The following NKIRAS2 variants were observed in gnomAD, a reference collection of about 807,000 sequenced individuals.
NKIRAS2 encodes the protein NF-kappa-B inhibitor-interacting Ras-like protein 2.
Under a neutral mutation model 20.7 loss-of-function variants are expected in NKIRAS2, and 15 were observed. That is an observed-to-expected ratio of 0.73 (90% CI 0.49 to 1.12). The LOEUF is 1.12. NKIRAS2 is among the 50% of genes most tolerant of loss of function. The pLI, the probability that NKIRAS2 is intolerant of heterozygous loss-of-function variation, is 0.00. For synonymous variants in NKIRAS2, 116 were observed against 101.4 expected (o/e 1.14, Z -0.87); for missense variants, 196 against 249.6 (o/e 0.79, Z 1.45).
chr17:42,023,566 A>G lies in NKIRAS2; in HGVS notation c.337-88A>G, dbSNP rs1331333932. On this transcript the variant is annotated intron_variant, in intron 3 of 3. Transcript: ENST00000393885. The stretch of plus-strand genomic sequence containing the variant: ...ATATCAGCCATTGAGCTTTCCTCTC[A>G]TAGAACTCCTAGGTGGTTGCCAGCC... 9 of 1,217,172 alleles carry G rather than the reference A, an allele frequency of 7.4e-6. No homozygotes were observed. In the African/African-American group the frequency reaches 9.0e-5, roughly 12 times the overall value. The allele number at this position is 1,217,172 out of a possible 1,614,324, so 75.4% of individuals were successfully genotyped here. A position where few individuals can be genotyped will look rare whatever the true frequency, so the allele number is the denominator to read the frequency against.
upstream of NKIRAS2, among the ~76,000 whole-genome samples, chr17:42,018,103 G>C (rs1440258689): frequency 6.6e-6 from 1 of 152,126 alleles, no homozygotes; most frequent in Non-Finnish European, 1.5e-5. Context: ...GCCTAGGAAA[G>C]CTGACACATG....
upstream of NKIRAS2, among the ~76,000 whole-genome samples, chr17:42,018,937 A>G (rs1376319503): frequency 6.6e-6 from 1 of 152,228 alleles, no homozygotes; most frequent in Non-Finnish European, 1.5e-5. Context: ...ACAACAGAAA[A>G]AACAAATGTT....
upstream of NKIRAS2, chr17:42,020,020 T>A (rs972634604): frequency 3.3e-5 from 5 of 152,400 alleles, no homozygotes; most frequent in Non-Finnish European, 7.3e-5. Context: ...CGGTCCGCGC[T>A]CTCTCTCCGC....
At position 42,023,700 on chromosome 17, in the gene NKIRAS2, G is replaced by A. The variant is rs1555653570; in HGVS notation, c.383G>A (p.Arg128Gln). The A allele has an allele frequency of 1.2e-6, 2 of 1,614,182 alleles. No homozygotes were observed. The highest frequency in any genetic ancestry group is 1.7e-5 in the Admixed American group (1 of 60,024). ...AACAAGTGTGACTTACAGGAGCAGCGGCGTGTAGACCCAGATGTGGCTCAG... is the reference window on the plus strand; with the variant it reads ...AACAAGTGTGACTTACAGGAGCAGCAGCGTGTAGACCCAGATGTGGCTCAG... Reference protein sequence around the residue: ...LGNKCDLQEQRRVDPDVAQHW... With the variant: ...LGNKCDLQEQQRVDPDVAQHW... Residue 128 changes from arginine to glutamine, a missense_variant, in exon 4 of 4, where the codon CGG becomes CAG. Arg to Gln is a conservative substitution (Grantham distance 43). Transcript: ENST00000393885.
chr17:42,019,333 G>C (rs2052387184), upstream of NKIRAS2, among the ~76,000 whole-genome samples: 1 of 152,100 alleles, frequency 6.6e-6, no homozygotes, highest in South Asian at 2.1e-4. Flanking sequence ...TACATCAATA[G>C]TCTCCTAATC....
intron 3 of NKIRAS2, 82 bp downstream of exon 3, chr17:42,022,722 T>A (rs2052487052): frequency 6.6e-7 from 1 of 1,512,564 alleles, no homozygotes; most frequent in African/African-American, 1.4e-5. Context: ...CTGGCATGGC[T>A]CCATTCTTCA....
At chr17:42,022,893 G>A in intron 3 of NKIRAS2, 1 of 433,696 alleles carries the variant, frequency 2.3e-6, no homozygotes, top group Non-Finnish European at 4.2e-6. Context: ...TTGTTGAAGG[G>A]GTCACTGACC....
chr17:42,017,778 T>C (rs1183970433), upstream of NKIRAS2: 1 of 336,576 alleles, frequency 3.0e-6, no homozygotes, highest in Non-Finnish European at 5.6e-6. Flanking sequence ...CTCCGTGGAG[T>C]CTGGGTTGCG....
At chr17:42,022,348 A>C in intron 2 of NKIRAS2, 51 bp from the exon 3 acceptor site, 3 of 1,531,378 alleles carry the variant, frequency 2.0e-6, no homozygotes, top group Non-Finnish European at 2.6e-6. Context: ...CTCATCACTC[A>C]CATTTCCCAT....
At chr17:42,018,337 G>C (rs914455098), upstream of NKIRAS2, 1 of 152,172 alleles carries the variant, frequency 6.6e-6, no homozygotes, top group African/African-American at 2.4e-5. Flanking sequence ...AATTAAATTG[G>C]AGCTTTCTGG....
Position 42,023,697 on chromosome 17 carries a change from A to T in NKIRAS2, c.380A>T (p.Gln127Leu), listed in dbSNP as rs1555653563. Reference sequence around the variant, plus strand: ...GGCAACAAGTGTGACTTACAGGAGCAGCGGCGTGTAGACCCAGATGTGGCT... The same window carrying T: ...GGCAACAAGTGTGACTTACAGGAGCTGCGGCGTGTAGACCCAGATGTGGCT... ...VLGNKCDLQE[Q>L]RRVDPDVAQH... is the part of the protein sequence containing the mutation. The change falls in exon 4 of 4, where the codon CAG (glutamine) becomes CTG (leucine). Residue 127 changes from glutamine (Q) to leucine (L), a missense_variant. Transcript: ENST00000393885. 3.1e-6 allele frequency: 5 copies of T among 1,614,202 alleles called. No homozygotes were observed. The highest frequency in any genetic ancestry group is 4.2e-6 in the Non-Finnish European group (5 of 1,180,042).
chr17:42,023,913 C>T lies in NKIRAS2; in HGVS notation c.*20C>T. On this transcript the variant is annotated 3_prime_UTR_variant, in exon 4 of 4. Coordinates refer to ENST00000393885, the MANE Select transcript of NKIRAS2 (RefSeq NM_017595.6). ...GGCTGAAGAGCTGCCGTTCCTCTTT[C>T]ACGATCCCAGCCCCATTTCAGTGTC... The T allele has an allele frequency of 6.2e-7, 1 of 1,611,980 alleles. No individual in the cohort carries two copies. Among genetic ancestry groups the T allele is most frequent in the East Asian group, 2.2e-5 (1 of 44,876 alleles).
In NKIRAS2 at chr17:42,022,521, C is replaced by T. The variant is rs782137628; in HGVS notation, c.217C>T (p.Arg73Ter). 1.9e-6 allele frequency: 3 copies of T among 1,614,106 alleles called. No individual in the cohort carries two copies. The highest frequency in any genetic ancestry group is 2.5e-6 in the Non-Finnish European group (3 of 1,180,000). The change falls in exon 3 of 4, where the codon CGA becomes TGA. Residue 73 changes from arginine (R) to a stop codon, truncating the protein, a stop_gained. Transcript: ENST00000393885. LOFTEE classifies it high-confidence loss of function. ...GCTCCGAGATGGGGCCGAACTGCCC[C>T]GACACTGCTTCTCTTGCACTGATGG... is the stretch of plus-strand genomic sequence containing the variant. ...RGLRDGAELPRHCFSCTDGYV... is the reference protein window; with the variant it reads ...RGLRDGAELP
In NKIRAS2 at chr17:42,022,128, G is replaced by T. The variant is rs1598170172; in HGVS notation, c.95-271G>T. 4 of 459,458 alleles carry T rather than the reference G, an allele frequency of 8.7e-6. No homozygotes were observed. The East Asian group carries it at 1.8e-4, about 20-fold the overall frequency. The allele number at this position is 459,458 out of a possible 1,614,324, so 28.5% of individuals were successfully genotyped here. ...GGAGGCCGAGGCAGGAGAATCGCTT[G>T]AACTCGGGAGGTGGAGGTTGCGGTG... On this transcript the variant is annotated intron_variant, in intron 2 of 3. Coordinates refer to ENST00000393885, the MANE Select transcript of NKIRAS2 (RefSeq NM_017595.6).
Position 42,023,663 on chromosome 17 carries a change from G to A in NKIRAS2, c.346G>A (p.Val116Met), listed in dbSNP as rs782383382. The A allele has an allele frequency of 8.7e-6, 14 of 1,614,064 alleles. No homozygotes were observed. The highest frequency in any genetic ancestry group is 4.4e-5 in the South Asian group (4 of 91,082). The change falls in exon 4 of 4, where the codon GTG becomes ATG. Residue 116 changes from valine (V) to methionine (M), a missense_variant. Val to Met is a conservative substitution (Grantham distance 21). Transcript: ENST00000393885. ...KSKDKKEVTI[V>M]VLGNKCDLQE... Reference sequence around the variant, plus strand: ...TGTCCCTCTTCCCCAGGTCACCATCGTGGTCCTTGGCAACAAGTGTGACTT... The same window carrying A: ...TGTCCCTCTTCCCCAGGTCACCATCATGGTCCTTGGCAACAAGTGTGACTT...
At chr17:42,023,138 A>G (rs2052498256) in intron 3 of NKIRAS2, 1 of 302,726 alleles carries the variant, frequency 3.3e-6, no homozygotes, top group Non-Finnish European at 6.7e-6. Flanking sequence ...TGCTAAGACT[A>G]CAGGTGCATG....
chr17:42,017,744 A>C, upstream of NKIRAS2: 11 of 420,498 alleles, frequency 2.6e-5, no homozygotes, highest in Admixed American at 8.3e-5. Flanking sequence ...GCAACTTCCA[A>C]TCCTAGAGAG....
At chr17:42,019,960 C>G (rs1261858299), upstream of NKIRAS2, 5 of 152,324 alleles carry the variant, frequency 3.3e-5, no homozygotes, top group African/African-American at 1.2e-4. Context: ...CGCGCACACC[C>G]AGGCCAGGTC....
rs2052520518 is a variant in NKIRAS2 at position 42,023,992 on chromosome 17, A to C, written c.*99A>C. The C allele has an allele frequency of 6.6e-7, 1 of 1,514,434 alleles. No individual in the cohort carries two copies. 93.8% of individuals were successfully genotyped at this position (1,514,434 alleles called of 1,614,324 possible). On this transcript the variant is annotated 3_prime_UTR_variant, in exon 4 of 4. Coordinates refer to ENST00000393885, the MANE Select transcript of NKIRAS2 (RefSeq NM_017595.6). ...AAGTAGAGGACAAGCTGTCTTTCCC[A>C]GTCAGCCAGGGAGCTCCCCGCCAGG... is the stretch of plus-strand genomic sequence containing the variant.
Sources: gnomAD v4.1 joint callset for allele counts (sites outside exome capture counted in the v4.1 genomes callset) on GRCh38, gnomAD v4.1.1 for gene constraint, MANE v1.5 for transcripts, NCBI Gene and HGNC (gene_info 2026-07-23, HGNC 2026-07-21) for gene names.